Variants in DPP6 observed in about 807,000 individuals in gnomAD.
DPP6 encodes A-type potassium channel modulatory protein DPP6.
In DPP6, 69 loss-of-function variants were observed where a neutral mutation model predicts 122.6. That is an observed-to-expected ratio of 0.56 (90% confidence interval 0.46 to 0.69). DPP6 has a LOEUF of 0.69. Ranked by LOEUF, DPP6 falls within the 30% of genes least tolerant of loss-of-function variation. The pLI, the probability that DPP6 is intolerant of heterozygous loss-of-function variation, is 0.00. For missense variants in DPP6, 928 were observed against 1,116.9 expected, an observed-to-expected ratio of 0.83 and a Z score of 2.41; for synonymous variants, 418 against 433.1, an observed-to-expected ratio of 0.97 and a Z score of 0.43.
At chr7:154,536,530 C>A (rs1308499851) in intron 3 of DPP6, among the ~76,000 whole-genome samples, 1 of 152,152 alleles carries the variant, frequency 6.6e-6, no homozygotes, top group Non-Finnish European at 1.5e-5. Flanking sequence ...AATGAAATCT[C>A]AATCAGTTTC....
At chr7:153,966,610 TAAA>T (rs371185309) in intron 1 of DPP6, among the ~76,000 whole-genome samples, 27,845 of 67,886 alleles carry the variant, frequency 0.41, 7,341 homozygotes, top group Non-Finnish European at 0.56. Flanking sequence ...CCTTTTTTTT[TAAA>T]AAATTATACT....
chr7:154,434,655 T>C (rs1248855548), intron 1 of DPP6, among the ~76,000 whole-genome samples: 1 of 152,170 alleles, frequency 6.6e-6, no homozygotes, highest in Non-Finnish European at 1.5e-5. Flanking sequence ...CAAAGTGCTC[T>C]TATCTTCTGA....
intron 5 of DPP6, chr7:154,588,091 C>T: frequency 6.3e-7 from 1 of 1,597,344 alleles, no homozygotes; most frequent in Non-Finnish European, 8.6e-7. Flanking sequence ...GTGAGCCTTG[C>T]AGCCTCTGCT....
intron 1 of DPP6, among the ~76,000 whole-genome samples, chr7:154,212,980 A>G (rs1799817421): frequency 6.6e-6 from 1 of 152,234 alleles, no homozygotes. Context: ...AAAATGCTCA[A>G]GGAACAAGGG....
At chr7:154,736,701 ATAAG>A (rs1842584763) in intron 8 of DPP6, among the ~76,000 whole-genome samples, 1 of 152,232 alleles carries the variant, frequency 6.6e-6, no homozygotes, top group African/African-American at 2.4e-5. Context: ...GCTTCTCCAA[ATAAG>A]TCTAGTTACT....
chr7:154,503,665 A>C (rs1825433325), intron 3 of DPP6, among the ~76,000 whole-genome samples: 2 of 139,034 alleles, frequency 1.4e-5, no homozygotes, highest in African/African-American at 2.6e-5. Flanking sequence ...TCATAGCCAC[A>C]ACATTTAAGA....
At chr7:154,317,964 G>C (rs1448199187) in intron 1 of DPP6, among the ~76,000 whole-genome samples, 1 of 152,132 alleles carries the variant, frequency 6.6e-6, no homozygotes, top group East Asian at 1.9e-4. Flanking sequence ...ACAAATGCAT[G>C]CCAAGTAAAG....
chr7:154,395,264 C>G (rs1814980760), intron 1 of DPP6, among the ~76,000 whole-genome samples: 2 of 152,196 alleles, frequency 1.3e-5, no homozygotes, highest in Non-Finnish European at 1.5e-5. Flanking sequence ...AGTCCCTCAC[C>G]TCTTAATACC....
chr7:154,662,641 C>T (rs376185169), intron 6 of DPP6, among the ~76,000 whole-genome samples: 58 of 69,634 alleles, frequency 8.3e-4, no homozygotes, highest in African/African-American at 1.4e-3. Flanking sequence ...CATGGCGTAT[C>T]GGCCATAGTG....
At chr7:154,508,716 A>C (rs1183957699) in intron 3 of DPP6, among the ~76,000 whole-genome samples, 1 of 152,216 alleles carries the variant, frequency 6.6e-6, no homozygotes, top group Non-Finnish European at 1.5e-5. Context: ...TGGAAAATGT[A>C]GTCTGGTTGA....
At chr7:154,653,117 T>C (rs1836988614) in intron 6 of DPP6, among the ~76,000 whole-genome samples, 1 of 152,212 alleles carries the variant, frequency 6.6e-6, no homozygotes, top group Admixed American at 6.5e-5. Flanking sequence ...GGGATTTTAC[T>C]GAAAGGCAGG....
intron 1 of DPP6, among the ~76,000 whole-genome samples, chr7:154,264,190 T>G (rs2150920764): frequency 6.6e-6 from 1 of 152,360 alleles, no homozygotes; most frequent in East Asian, 1.9e-4. Context: ...ATATTTGCAC[T>G]GAGTTCAAGT....
At chr7:154,840,395 C>T (rs969027907) in intron 16 of DPP6, among the ~76,000 whole-genome samples, 12 of 152,212 alleles carry the variant, frequency 7.9e-5, no homozygotes, top group African/African-American at 2.2e-4. Context: ...CCACAGGAAG[C>T]GGAAGCCTTT....
At chr7:154,666,135 C>T (rs1285695810) in intron 6 of DPP6, among the ~76,000 whole-genome samples, 4 of 150,614 alleles carry the variant, frequency 2.7e-5, no homozygotes, top group Non-Finnish European at 4.4e-5. Flanking sequence ...ATATCCCTTT[C>T]TTCTATGATA....
intron 10 of DPP6, among the ~76,000 whole-genome samples, chr7:154,779,772 T>C (rs1381450174): frequency 6.6e-6 from 1 of 152,148 alleles, no homozygotes; most frequent in Non-Finnish European, 1.5e-5. Flanking sequence ...GAGAAGCCCT[T>C]CTCAGCAGCA....
At chr7:154,649,604 C>A (rs1447688446) in intron 6 of DPP6, among the ~76,000 whole-genome samples, 6 of 152,202 alleles carry the variant, frequency 3.9e-5, no homozygotes, top group African/African-American at 9.7e-5. Flanking sequence ...GTTCCACCTG[C>A]AGCTGTGGGG....
intron 1 of DPP6, among the ~76,000 whole-genome samples, chr7:154,182,237 G>A (rs1585570825): frequency 6.6e-6 from 1 of 152,086 alleles, no homozygotes; most frequent in East Asian, 1.9e-4. Context: ...TTGCTAAGGG[G>A]GACAGAAATT....
chr7:154,116,328 A>C (rs1181694601), intron 1 of DPP6, among the ~76,000 whole-genome samples: 1 of 152,220 alleles, frequency 6.6e-6, no homozygotes, highest in Non-Finnish European at 1.5e-5. Flanking sequence ...ACTGGGTTCA[A>C]ACTCTTTATT....
rs145528777 is a variant in DPP6, at chr7:154,524,667, A to G, written c.458-15865A>G. On this transcript the variant is annotated intron_variant, in intron 3 of 25. Coordinates refer to ENST00000377770, the MANE Select transcript of DPP6 (RefSeq NM_130797.4). ...GCAGAACCCAAGAGAAAGCAAGTCC[A>G]CTGTGTAAGAGCTTTTTAAGCACCA... is the stretch of plus-strand genomic sequence containing the variant. Among the ~76,000 whole-genome samples the G allele has an allele frequency of 5.8e-3, 887 of 152,294 alleles. 9 individuals carry two copies. Among genetic ancestry groups the G allele is most frequent in the African/African-American group, 0.02 (825 of 41,552 alleles).
Sources: gnomAD v4.1 joint callset for allele counts (sites outside exome capture counted in the v4.1 genomes callset) on GRCh38, gnomAD v4.1.1 for gene constraint, MANE v1.5 for transcripts, NCBI Gene and HGNC (gene_info 2026-07-23, HGNC 2026-07-21) for gene names.